Variants in IL22RA1 observed in about 807,000 individuals in gnomAD.
IL22RA1 encodes interleukin-22 receptor subunit alpha-1.
A neutral mutation model predicts 32.8 loss-of-function variants in IL22RA1; 25 were observed. The ratio of observed to expected loss-of-function variants is 0.76; its 90% CI spans 0.55 to 1.06. IL22RA1 has a LOEUF of 1.06. IL22RA1 is among the 50% of genes least tolerant of loss of function. The pLI is 0.00. For synonymous variants in IL22RA1, 305 were observed against 305.0 expected (o/e 1.00, Z 0.00); for missense variants, 709 against 727.4 (o/e 0.97, Z 0.29).
rs775432957 is a variant in IL22RA1, at chr1:24,123,365, G to A, written c.729C>T (p.Val243=). The A allele has an allele frequency of 3.1e-6, 5 of 1,614,046 alleles. No individual in the cohort carries two copies. The highest frequency in any genetic ancestry group is 4.2e-6 in the Non-Finnish European group (5 of 1,180,032). ...TGTAGCTCAGGTAGCAGAGTACTGC[G>A]ACGAGGAAGCCCATGGAGAACAGGA... is the stretch of plus-strand genomic sequence containing the variant. ...GAFLFSMGFL[V]AVLCYLSYRY... The change falls in exon 6 of 7, where the codon GTC becomes GTT. Residue 243 remains valine, a synonymous_variant. Coordinates refer to ENST00000270800, the MANE Select transcript of IL22RA1 (RefSeq NM_021258.4).
intron 4 of IL22RA1, among the ~76,000 whole-genome samples, chr1:24,131,026 G>A: frequency 6.6e-6 from 1 of 152,180 alleles, no homozygotes; most frequent in Admixed American, 6.5e-5. Context: ...TAAAGCAGCG[G>A]TATAACAATG....
intron 1 of IL22RA1, among the ~76,000 whole-genome samples, chr1:24,140,485 G>A (rs1019504783): frequency 6.6e-6 from 1 of 152,150 alleles, no homozygotes; most frequent in African/African-American, 2.4e-5. Flanking sequence ...ATTTAGGGAG[G>A]AGGAGAAGAG....
chr1:24,142,154 G>T (rs1644285934), intron 1 of IL22RA1, among the ~76,000 whole-genome samples: 1 of 152,162 alleles, frequency 6.6e-6, no homozygotes, highest in African/African-American at 2.4e-5. Context: ...CAGACTGGAG[G>T]GGGTCCCACA....
At chr1:24,142,432 T>C (rs1252011628) in intron 1 of IL22RA1, among the ~76,000 whole-genome samples, 2 of 152,226 alleles carry the variant, frequency 1.3e-5, no homozygotes, top group Admixed American at 6.5e-5. Flanking sequence ...CCGCTCACTT[T>C]ATTGGCTTTG....
chr1:24,126,475 G>A (rs1644162230), intron 5 of IL22RA1, among the ~76,000 whole-genome samples: 1 of 152,192 alleles, frequency 6.6e-6, no homozygotes, highest in Admixed American at 6.5e-5. Flanking sequence ...TCAGATGAGG[G>A]ATCAGGCTCC....
intron 5 of IL22RA1, among the ~76,000 whole-genome samples, chr1:24,126,445 G>C (rs1043768080): frequency 6.6e-6 from 1 of 152,182 alleles, no homozygotes; most frequent in African/African-American, 2.4e-5. Flanking sequence ...CCTCAGCCCA[G>C]GCATCAGCAT....
intron 4 of IL22RA1, among the ~76,000 whole-genome samples, chr1:24,133,808 A>G (rs1238580121): frequency 3.3e-5 from 5 of 152,222 alleles, no homozygotes; most frequent in Non-Finnish European, 7.3e-5. Flanking sequence ...TTGATAATAT[A>G]CCTAATGCTA....
rs188137389 is a variant in IL22RA1 at position 24,141,064 on chromosome 1, C to A, written c.43+1976G>T. Among the ~76,000 whole-genome samples the A allele has an allele frequency of 4.7e-3, 717 of 152,348 alleles. 5 individuals are homozygous for A. The highest frequency in any genetic ancestry group is 0.016 in the African/African-American group (659 of 41,580). The stretch of plus-strand genomic sequence containing the variant: ...TCCTCTGGCCAACCTCGAAGGCTGC[C>A]CTCCTCTCTGAATTTGGGTTCTGGC... On this transcript the variant is annotated intron_variant, in intron 1 of 6. Coordinates refer to ENST00000270800, the MANE Select transcript of IL22RA1 (RefSeq NM_021258.4).
At chr1:24,122,088 G>A (rs1481983845) in intron 6 of IL22RA1, among the ~76,000 whole-genome samples, 3 of 152,178 alleles carry the variant, frequency 2.0e-5, no homozygotes, top group Non-Finnish European at 2.9e-5. Context: ...CTTGGCCCAC[G>A]GGTCCCTGAG....
intron 6 of IL22RA1, 131 bp downstream of exon 6, chr1:24,123,171 C>T (rs1395354830): frequency 1.5e-6 from 2 of 1,341,364 alleles, no homozygotes; most frequent in African/African-American, 1.5e-5. Flanking sequence ...GGACTGTGAG[C>T]TCCGTGAATG....
At chr1:24,126,224 T>A (rs1644160730) in intron 5 of IL22RA1, among the ~76,000 whole-genome samples, 1 of 152,266 alleles carries the variant, frequency 6.6e-6, no homozygotes, top group Admixed American at 6.5e-5. Context: ...TAGCAGCCTT[T>A]GCCCCAGGAA....
At chr1:24,125,866 G>C (rs1208924876) in intron 5 of IL22RA1, among the ~76,000 whole-genome samples, 1 of 152,180 alleles carries the variant, frequency 6.6e-6, no homozygotes, top group African/African-American at 2.4e-5. Flanking sequence ...ATAAATGTAG[G>C]AATTGTTTTA....
intron 5 of IL22RA1, 63 bp from the exon 6 acceptor site, chr1:24,123,486 G>A (rs1445552840): frequency 9.5e-6 from 15 of 1,577,194 alleles, no homozygotes; most frequent in Non-Finnish European, 7.8e-6. Flanking sequence ...GCCCGGTTGG[G>A]TCTGGCCCCA....
intron 4 of IL22RA1, among the ~76,000 whole-genome samples, chr1:24,129,920 G>C (rs966282240): frequency 1.3e-5 from 2 of 152,052 alleles, no homozygotes; most frequent in African/African-American, 2.4e-5. Flanking sequence ...AGTTTTTCAC[G>C]ACCTCCATCC....
In IL22RA1 at chr1:24,128,251, T is replaced by G; in HGVS notation, c.560A>C (p.Glu187Ala). ...TGTGTCAGGGGTCAGGCCGAAGAAC[T>G]CATATTCTCTCTGCTTCCCTCCAAG... The part of the protein sequence containing the change: ...MHLGGKQREY[E>A]FFGLTPDTEF... The change falls in exon 5 of 7, where the codon GAG becomes GCG. Residue 187 changes from glutamate (E) to alanine (A), a missense_variant. By Grantham distance (107) the Glu-to-Ala change is moderately radical. Coordinates refer to ENST00000270800, the MANE Select transcript of IL22RA1 (RefSeq NM_021258.4). 1.2e-6 allele frequency: 2 copies of G among 1,613,130 alleles called. No individual in the cohort carries two copies. The highest frequency in any genetic ancestry group is 1.7e-6 in the Non-Finnish European group (2 of 1,179,552).
intron 5 of IL22RA1, among the ~76,000 whole-genome samples, chr1:24,125,310 G>C (rs1355915494): frequency 1.3e-5 from 2 of 152,170 alleles, no homozygotes; most frequent in African/African-American, 4.8e-5. Flanking sequence ...ACTCAGTGGA[G>C]TTACATGTGT....
intron 5 of IL22RA1, among the ~76,000 whole-genome samples, chr1:24,125,617 G>A (rs758244046): frequency 6.6e-6 from 1 of 152,138 alleles, no homozygotes; most frequent in East Asian, 1.9e-4. Context: ...GTGGTGGGTA[G>A]AGCCCAGCCT....
chr1:24,140,661 A>C (rs1644274399), intron 1 of IL22RA1, among the ~76,000 whole-genome samples: 1 of 152,096 alleles, frequency 6.6e-6, no homozygotes, highest in Admixed American at 6.5e-5. Flanking sequence ...TGCACTGTAA[A>C]CAAAGAGTCC....
In IL22RA1 at chr1:24,137,324, G is replaced by T. The variant is rs1435952678; in HGVS notation, c.177-15C>A. The T allele has an allele frequency of 6.2e-7, 1 of 1,610,820 alleles. No individual in the cohort carries two copies. Among genetic ancestry groups the T allele is most frequent in the Non-Finnish European group, 8.5e-7 (1 of 1,177,548 alleles). On this transcript the variant is annotated splice_polypyrimidine_tract_variant and intron_variant, in intron 2 of 6. Coordinates refer to ENST00000270800, the MANE Select transcript of IL22RA1 (RefSeq NM_021258.4). ...TCTCTCCGTACCTGCAGGTCAGGAA[G>T]GGGCCAAGTCACCGTGGTGATGAAA...
Sources: allele counts gnomAD v4.1 joint callset (sites outside exome capture counted in the v4.1 genomes callset), GRCh38; gene constraint gnomAD v4.1.1; transcripts MANE v1.5; gene names NCBI Gene and HGNC (gene_info 2026-07-23, HGNC 2026-07-21).